NTRK3: variants seen among roughly 807,000 people sequenced by gnomAD.
NTRK3 encodes neurotrophic receptor tyrosine kinase 3, also known as NT-3 growth factor receptor.
Under a neutral mutation model 91.7 loss-of-function variants are expected in NTRK3, and 24 were observed. The observed-to-expected ratio is 0.26, with a 90% CI of 0.19 to 0.37. The LOEUF (loss-of-function observed/expected upper bound fraction) is 0.37, where lower values mean the gene tolerates loss of function less well. NTRK3 is among the 10% of genes least tolerant of loss of function. The probability of loss-of-function intolerance (pLI) is 1.00; values close to 1 mark genes in which losing one functional copy is unlikely to be tolerated. For missense variants in NTRK3, 880 were observed against 1,068.9 expected, an observed-to-expected ratio of 0.82 and a Z score of 2.46; for synonymous variants, 483 against 404.0, an observed-to-expected ratio of 1.20 and a Z score of -2.34.
chr15:88,190,680 C>T (rs972992616), intron 3 of NTRK3, among the ~76,000 whole-genome samples: 1 of 152,172 alleles, frequency 6.6e-6, no homozygotes, highest in Non-Finnish European at 1.5e-5. Flanking sequence ...TAGGTAAGAG[C>T]TGGCACCTGG....
chr15:88,138,455 T>C (rs913526613), intron 6 of NTRK3, among the ~76,000 whole-genome samples: 1 of 152,154 alleles, frequency 6.6e-6, no homozygotes, highest in Non-Finnish European at 1.5e-5. Context: ...GATGCTCCTC[T>C]TCTTAAAACC....
Position 88,255,779 on chromosome 15 carries a change from G to A in NTRK3, c.248+127C>T. 5 of 722,692 alleles carry A rather than the reference G, an allele frequency of 6.9e-6. No individual in the cohort carries two copies. Among genetic ancestry groups the A allele is most frequent in the Non-Finnish European group, 7.8e-6 (4 of 510,608 alleles). The allele number at this position is 722,692 out of a possible 1,614,324, so 44.8% of individuals were successfully genotyped here. On this transcript the variant is annotated intron_variant, in intron 3 of 18. Coordinates refer to ENST00000394480, the Ensembl canonical transcript of NTRK3. This position sits in a 1 kb window ranked among gnomAD's most constrained non-coding sequence, Gnocchi z 4.3. ...TCTCCCGAGCCAGAGCGAGCCTGAC[G>A]CGCGCCCAGCGGGCGGCGGGCAGCG...
chr15:87,955,358 G>A (rs535871931), intron 14 of NTRK3, among the ~76,000 whole-genome samples: 1 of 152,342 alleles, frequency 6.6e-6, no homozygotes, highest in South Asian at 2.1e-4. Context: ...GGCCATAGGT[G>A]TTTAACTGGG....
chr15:88,050,610 T>C (rs1157849507), intron 13 of NTRK3, among the ~76,000 whole-genome samples: 1 of 152,066 alleles, frequency 6.6e-6, no homozygotes, highest in Non-Finnish European at 1.5e-5. Context: ...GAAAATCCAC[T>C]CAGGGATCAG....
intron 17 of NTRK3, among the ~76,000 whole-genome samples, chr15:87,925,048 T>C (rs532820032): frequency 2.6e-5 from 4 of 152,306 alleles, no homozygotes; most frequent in Non-Finnish European, 4.4e-5. Context: ...AATCTCTTAG[T>C]GTTCTCTGAT....
chr15:88,079,614 A>ACCC (rs1352756732), intron 13 of NTRK3, among the ~76,000 whole-genome samples: 1 of 152,252 alleles, frequency 6.6e-6, no homozygotes, highest in Non-Finnish European at 1.5e-5. Context: ...AAAGGGATTT[A>ACCC]ATTTTGTTTT....
chr15:88,197,047 G>C (rs1014819999), intron 3 of NTRK3, among the ~76,000 whole-genome samples: 6 of 122,018 alleles, frequency 4.9e-5, no homozygotes, highest in Non-Finnish European at 6.4e-5. Context: ...GTTGGCAAGA[G>C]CTAACACAGA....
chr15:88,084,302 A>T (rs2048314179), intron 13 of NTRK3, among the ~76,000 whole-genome samples: 2 of 152,076 alleles, frequency 1.3e-5, no homozygotes, highest in South Asian at 4.2e-4. Flanking sequence ...AAAGCAGCCA[A>T]ATCTGACCAG....
intron 13 of NTRK3, among the ~76,000 whole-genome samples, chr15:88,079,766 A>G (rs376937163): frequency 1.3e-5 from 2 of 152,250 alleles, no homozygotes; most frequent in Admixed American, 6.5e-5. Flanking sequence ...GAAACAATTT[A>G]AAATTCAAAG....
exon 19 of NTRK3, chr15:87,860,835 C>A (rs1476297597): frequency 1.4e-5 from 3 of 216,328 alleles, no homozygotes; most frequent in African/African-American, 2.3e-5. Context: ...ATTTCTAAGT[C>A]ATAAAATACA....
At chr15:88,184,203 C>G (rs1567604108) in intron 4 of NTRK3, 22 bp downstream of exon 4, 2 of 1,613,460 alleles carry the variant, frequency 1.2e-6, no homozygotes, top group Non-Finnish European at 1.7e-6. Context: ...GGAAAGGCCT[C>G]TCTGTGGCCG....
At chr15:88,221,849 G>A (rs986595906) in intron 3 of NTRK3, among the ~76,000 whole-genome samples, 4 of 152,132 alleles carry the variant, frequency 2.6e-5, no homozygotes, top group African/African-American at 9.7e-5. Flanking sequence ...TGTTGAGACC[G>A]ATTAGGCTGC....
chr15:88,081,541 C>G (rs536105818), intron 13 of NTRK3, among the ~76,000 whole-genome samples: 8 of 152,352 alleles, frequency 5.3e-5, no homozygotes, highest in African/African-American at 1.9e-4. Context: ...TTCTGGAATC[C>G]TAGTGGGCTG....
intron 14 of NTRK3, among the ~76,000 whole-genome samples, chr15:88,005,667 C>G (rs1456481232): frequency 6.6e-6 from 1 of 152,174 alleles, no homozygotes; most frequent in East Asian, 1.9e-4. Flanking sequence ...GTATATCCCA[C>G]TGCCTAAGGG....
chr15:88,052,230 C>T (rs1256616890), intron 13 of NTRK3, among the ~76,000 whole-genome samples: 3 of 151,680 alleles, frequency 2.0e-5, no homozygotes, highest in African/African-American at 7.3e-5. Context: ...GTAGCCTGCA[C>T]TCAACACAGG....
chr15:88,092,786 C>T (rs1371387484), intron 13 of NTRK3, among the ~76,000 whole-genome samples: 1 of 152,172 alleles, frequency 6.6e-6, no homozygotes, highest in Non-Finnish European at 1.5e-5. Flanking sequence ...CTACATCACT[C>T]CAATCTTCAA....
At chr15:88,218,800 G>A (rs528148230) in intron 3 of NTRK3, among the ~76,000 whole-genome samples, 3 of 152,334 alleles carry the variant, frequency 2.0e-5, no homozygotes, top group Admixed American at 2.0e-4. Context: ...CCCTGATGCC[G>A]CATTAACCCC....
chr15:88,256,171 A>G lies in NTRK3; in HGVS notation c.-15-3T>C, dbSNP rs758791090. 3 of 1,557,036 alleles carry G rather than the reference A, an allele frequency of 1.9e-6. No individual in the cohort carries two copies. Among genetic ancestry groups the G allele is most frequent in the South Asian group, 2.2e-5 (2 of 89,360 alleles). ...ACATCCATCTCCGATCGCTGCTTCT[A>G]AAAAAGAGGAGGAGGAGAGGAGAGG... On this transcript the variant is annotated splice_region_variant and splice_polypyrimidine_tract_variant and intron_variant, in intron 2 of 18. Transcript: ENST00000394480.
intron 14 of NTRK3, among the ~76,000 whole-genome samples, chr15:87,957,232 G>A (rs957078194): frequency 1.4e-5 from 2 of 146,156 alleles, no homozygotes; most frequent in Admixed American, 1.3e-4. Flanking sequence ...GTGTTAGCAT[G>A]TGTAAAACAC....
Sources: gnomAD v4.1 joint callset for allele counts (sites outside exome capture counted in the v4.1 genomes callset) on GRCh38, gnomAD v4.1.1 for gene constraint, Gnocchi (gnomAD v3.1) non-coding constraint, MANE v1.5 for transcripts, NCBI Gene and HGNC (gene_info 2026-07-23, HGNC 2026-07-21) for gene names.